The following MSI2 variants were observed in gnomAD, a reference collection of about 807,000 sequenced individuals.
The protein encoded by MSI2 is musashi RNA binding protein 2, also known as RNA-binding protein Musashi homolog 2.
Under a neutral mutation model 45.6 loss-of-function variants are expected in MSI2, and 17 were observed. That is an observed-to-expected ratio of 0.37 (90% CI 0.26 to 0.56). The LOEUF (loss-of-function observed/expected upper bound fraction) is 0.56. Ranked by LOEUF, MSI2 falls within the 20% of genes least tolerant of loss-of-function variation. The probability of loss-of-function intolerance (pLI) is 0.77; values close to 1 mark genes in which losing one functional copy is unlikely to be tolerated. For missense variants in MSI2, 293 were observed against 444.2 expected (o/e 0.66, Z 3.06); for synonymous variants, 156 against 158.2 (o/e 0.99, Z 0.11).
At chr17:57,437,860 A>C (rs1435991104) in intron 6 of MSI2, among the ~76,000 whole-genome samples, 1 of 152,210 alleles carries the variant, frequency 6.6e-6, no homozygotes, top group Non-Finnish European at 1.5e-5. Flanking sequence ...TGAAGTGCTT[A>C]ATACCATGGA....
chr17:57,567,128 C>G (rs1303584609), intron 7 of MSI2, among the ~76,000 whole-genome samples: 2 of 152,170 alleles, frequency 1.3e-5, no homozygotes, highest in African/African-American at 4.8e-5. Flanking sequence ...AGACAGGCTG[C>G]TGCACCATTT....
chr17:57,627,286 A>G lies in MSI2; in HGVS notation c.710A>G (p.Tyr237Cys). Residue 237 changes from tyrosine to cysteine, a missense_variant, in exon 10 of 14, where the codon TAT (tyrosine) becomes TGT (cysteine). By Grantham distance (194) the Tyr-to-Cys change is radical. Transcript: ENST00000284073. This position sits in a 1 kb window ranked among gnomAD's most constrained non-coding sequence, Gnocchi z 4.6. The part of the protein sequence containing the change: ...GRGYPGFAPS[Y>C]GYQFPGFPAA... Reference sequence around the variant, plus strand: ...GGCTACCCCGGATTTGCTCCAAGCTATGGCTATCAGTTCCCAGGTGAGTGG... The same window carrying G: ...GGCTACCCCGGATTTGCTCCAAGCTGTGGCTATCAGTTCCCAGGTGAGTGG... The G allele has an allele frequency of 6.2e-7, 1 of 1,614,156 alleles. No homozygotes were observed. Among genetic ancestry groups the G allele is most frequent in the African/African-American group, 1.3e-5 (1 of 75,036 alleles).
In MSI2 at chr17:57,529,014, T is replaced by C. The variant is rs115728503; in HGVS notation, c.406-662T>C. On this transcript the variant is annotated intron_variant, in intron 6 of 13. Transcript: ENST00000284073. This position sits in a 1 kb window ranked among gnomAD's most constrained non-coding sequence, Gnocchi z 5.3. ...ATATGCATCGGTCAAGATAGTAGTA[T>C]ACATGATATACTAACCTGGAAATTG... Among the ~76,000 whole-genome samples, 573 of 152,308 alleles carry C rather than the reference T, an allele frequency of 3.8e-3. 5 individuals carry two copies. Among genetic ancestry groups the C allele is most frequent in the African/African-American group, 0.013 (548 of 41,554 alleles).
At chr17:57,342,000 A>G (rs1250378780) in intron 5 of MSI2, among the ~76,000 whole-genome samples, 2 of 152,010 alleles carry the variant, frequency 1.3e-5, no homozygotes, top group Non-Finnish European at 2.9e-5. Context: ...GCTGATTTGC[A>G]TGTTAGAGCA....
chr17:57,420,518 C>T (rs893380273), intron 6 of MSI2, among the ~76,000 whole-genome samples: 1 of 152,188 alleles, frequency 6.6e-6, no homozygotes, highest in East Asian at 1.9e-4. Flanking sequence ...TCTCCGAGAC[C>T]GTTACCAAGA....
chr17:57,338,171 C>A (rs535458088), intron 5 of MSI2, among the ~76,000 whole-genome samples: 1 of 152,144 alleles, frequency 6.6e-6, no homozygotes, highest in African/African-American at 2.4e-5. Flanking sequence ...CTCACTACAA[C>A]CTCCACCTCC....
chr17:57,345,456 T>A (rs1004958246), intron 5 of MSI2, among the ~76,000 whole-genome samples: 1 of 152,232 alleles, frequency 6.6e-6, no homozygotes, highest in African/African-American at 2.4e-5. Context: ...AACAGATATA[T>A]GTATATTTTC....
At chr17:57,499,709 A>G (rs534128452) in intron 6 of MSI2, among the ~76,000 whole-genome samples, 1 of 152,200 alleles carries the variant, frequency 6.6e-6, no homozygotes, top group Non-Finnish European at 1.5e-5. Context: ...GGCTGGGAGC[A>G]TCTCATGAGG....
At chr17:57,309,282 G>C (rs1912171690) in intron 5 of MSI2, among the ~76,000 whole-genome samples, 1 of 152,210 alleles carries the variant, frequency 6.6e-6, no homozygotes, top group African/African-American at 2.4e-5. Flanking sequence ...AAGCATTTCT[G>C]TCTTACCCAT....
intron 8 of MSI2, among the ~76,000 whole-genome samples, chr17:57,612,778 T>C (rs1015133625): frequency 2.0e-4 from 31 of 152,238 alleles, no homozygotes; most frequent in African/African-American, 7.5e-4. Flanking sequence ...GTTGATCGGG[T>C]TGCCTAGGAA....
intron 6 of MSI2, among the ~76,000 whole-genome samples, chr17:57,527,445 G>A (rs2086726302): frequency 7.6e-6 from 1 of 132,286 alleles, no homozygotes; most frequent in African/African-American, 2.9e-5. Flanking sequence ...TTGTGTGTGT[G>A]GCCCCAGCAG....
chr17:57,535,402 T>G (rs2086900500), intron 7 of MSI2, among the ~76,000 whole-genome samples: 1 of 152,090 alleles, frequency 6.6e-6, no homozygotes, highest in African/African-American at 2.4e-5. Context: ...CATAGCCTGG[T>G]GAGGGAGTGG....
chr17:57,648,616 G>A (rs917297775), intron 10 of MSI2, among the ~76,000 whole-genome samples: 1 of 152,192 alleles, frequency 6.6e-6, no homozygotes, highest in Non-Finnish European at 1.5e-5. Flanking sequence ...TTCCAGCAGT[G>A]GAGGGGTGAT....
intron 8 of MSI2, among the ~76,000 whole-genome samples, chr17:57,604,057 G>T (rs887130408): frequency 1.3e-5 from 2 of 152,236 alleles, no homozygotes; most frequent in Admixed American, 1.3e-4. Context: ...TCAGAACAGG[G>T]TGCTGTCAAC....
intron 10 of MSI2, chr17:57,633,132 T>A (rs1567950178): frequency 9.8e-7 from 1 of 1,025,206 alleles, no homozygotes; most frequent in Non-Finnish European, 1.2e-6. Context: ...GACGTTTTAT[T>A]TTTTTTCCCC....
At chr17:57,463,996 T>C (rs2085281622) in intron 6 of MSI2, among the ~76,000 whole-genome samples, 1 of 105,618 alleles carries the variant, frequency 9.5e-6, no homozygotes, top group Admixed American at 9.1e-5. Flanking sequence ...TGAACGTGTG[T>C]GTGTGTGTGT....
chr17:57,440,413 C>CGTGTGTGTGT (rs71139995), intron 6 of MSI2, among the ~76,000 whole-genome samples: 4,683 of 104,530 alleles, frequency 0.045, 379 homozygotes, highest in East Asian at 0.064. Context: ...GTTTGTTATC[C>CGTGTGTGTGT]GTGTGTGTGT....
intron 6 of MSI2, among the ~76,000 whole-genome samples, chr17:57,494,050 A>G (rs566379271): frequency 6.6e-6 from 1 of 152,188 alleles, no homozygotes; most frequent in East Asian, 1.9e-4. Context: ...TACATAGCAG[A>G]AGCTCCACTG....
the MSI2 span, among the ~76,000 whole-genome samples, chr17:57,689,736 T>C: frequency 1.1e-4 from 16 of 152,232 alleles, no homozygotes; most frequent in African/African-American, 3.9e-4. Context: ...TTAGTCACTA[T>C]AGCTTAGTTT....
Sources: gnomAD v4.1 joint callset for allele counts (sites outside exome capture counted in the v4.1 genomes callset) on GRCh38, gnomAD v4.1.1 for gene constraint, Gnocchi (gnomAD v3.1) non-coding constraint, MANE v1.5 for transcripts, NCBI Gene and HGNC (gene_info 2026-07-23, HGNC 2026-07-21) for gene names.